Variants in CDH11 observed in about 807,000 individuals in gnomAD.
The protein encoded by CDH11 is cadherin-11.
Under a neutral mutation model 67.8 loss-of-function variants are expected in CDH11, and 11 were observed. That is an observed-to-expected ratio of 0.16 (90% CI 0.10 to 0.27). The LOEUF (loss-of-function observed/expected upper bound fraction) is 0.27, where lower values mean the gene tolerates loss of function less well. Among genes scored for constraint, CDH11 ranks in the 10% least tolerant of loss-of-function variants. CDH11 has a pLI of 1.00. For missense variants in CDH11, 847 were observed against 1,031.2 expected, an observed-to-expected ratio of 0.82 and a Z score of 2.45; for synonymous variants, 419 against 400.0, an observed-to-expected ratio of 1.05 and a Z score of -0.57.
intron 1 of CDH11, among the ~76,000 whole-genome samples, chr16:65,096,407 G>C: frequency 4.3e-5 from 1 of 23,442 alleles, no homozygotes; most frequent in South Asian, 4.5e-3. Flanking sequence ...ATCTTTCGGG[G>C]TGTGTGTGTG....
intron 1 of CDH11, among the ~76,000 whole-genome samples, chr16:65,078,755 C>T (rs997262267): frequency 1.2e-4 from 19 of 152,088 alleles, no homozygotes; most frequent in Non-Finnish European, 2.4e-4. Flanking sequence ...CTCCTGGAAT[C>T]GGGAACCTAG....
chr16:65,051,227 G>A (rs1307150019), intron 2 of CDH11, among the ~76,000 whole-genome samples: 1 of 152,128 alleles, frequency 6.6e-6, no homozygotes, highest in African/African-American at 2.4e-5. Flanking sequence ...AGAAAGAGGT[G>A]GGGACTCCTC....
intron 11 of CDH11, among the ~76,000 whole-genome samples, chr16:64,961,575 AATT>A (rs973186089): frequency 2.6e-5 from 4 of 152,060 alleles, no homozygotes; most frequent in African/African-American, 4.8e-5. Flanking sequence ...CTGTTTTATA[AATT>A]ATTATTAGGA....
intron 2 of CDH11, among the ~76,000 whole-genome samples, chr16:65,040,294 T>TTG (rs1441691277): frequency 1.3e-5 from 2 of 152,190 alleles, no homozygotes; most frequent in East Asian, 3.9e-4. Flanking sequence ...AGCAAAGACT[T>TTG]GGAACCAACC....
At chr16:65,011,618 A>T (rs923848564) in intron 2 of CDH11, among the ~76,000 whole-genome samples, 3 of 152,070 alleles carry the variant, frequency 2.0e-5, no homozygotes, top group Non-Finnish European at 4.4e-5. Flanking sequence ...TATTATTTGT[A>T]CTCTATTCTG....
chr16:65,097,365 G>C (rs1296275344), intron 1 of CDH11, among the ~76,000 whole-genome samples: 2 of 152,156 alleles, frequency 1.3e-5, no homozygotes, highest in Non-Finnish European at 2.9e-5. Context: ...CTCTATAAAT[G>C]GTAATTGTCA....
chr16:64,950,887 C>T lies in CDH11; in HGVS notation c.1774G>A (p.Val592Ile). The T allele has an allele frequency of 6.2e-7, 1 of 1,614,230 alleles. No homozygotes were observed. Among genetic ancestry groups the T allele is most frequent in the Non-Finnish European group, 8.5e-7 (1 of 1,180,042 alleles). Reference sequence around the variant, plus strand: ...GCCCCGTTCACGTCGCACCCGCAGACTTTGATGGTGAGGGTGTTGGTGCTA... The same window carrying T: ...GCCCCGTTCACGTCGCACCCGCAGATTTTGATGGTGAGGGTGTTGGTGCTA... The part of the protein sequence containing the change: ...MSSTNTLTIK[V>I]CGCDVNGALL... Residue 592 changes from valine (V) to isoleucine (I), a missense_variant, in exon 12 of 13, where the codon GTC becomes ATC. By Grantham distance (29) the Val-to-Ile change is conservative (BLOSUM62 3). Transcript: ENST00000268603.
At chr16:64,995,015 C>G (rs2072728829) in intron 4 of CDH11, among the ~76,000 whole-genome samples, 2 of 152,124 alleles carry the variant, frequency 1.3e-5, no homozygotes, top group Admixed American at 1.3e-4. Flanking sequence ...GGTAAATGAT[C>G]TGTACAAGGA....
chr16:65,053,647 C>T (rs772778972), intron 2 of CDH11, among the ~76,000 whole-genome samples, 157 bp downstream of exon 2: 25 of 152,110 alleles, frequency 1.6e-4, no homozygotes, highest in African/African-American at 3.1e-4. Flanking sequence ...TCCTCACTAC[C>T]GAAAAACGTA....
chr16:65,120,231 C>T (rs1290198426), intron 1 of CDH11, among the ~76,000 whole-genome samples: 2 of 152,148 alleles, frequency 1.3e-5, no homozygotes, highest in African/African-American at 4.8e-5. Context: ...ACATATTAGG[C>T]TCTAGCGCTC....
At chr16:65,106,401 A>G (rs1520237) in intron 1 of CDH11, among the ~76,000 whole-genome samples, 37,858 of 152,042 alleles carry the variant, frequency 0.25, 5,309 homozygotes, top group African/African-American at 0.38. Context: ...TTTGAACAAA[A>G]CTTTGCCATC....
chr16:64,980,123 T>C (rs2072292467), intron 8 of CDH11, among the ~76,000 whole-genome samples: 1 of 151,990 alleles, frequency 6.6e-6, no homozygotes, highest in South Asian at 2.1e-4. Flanking sequence ...GGGGGATCAA[T>C]AAAAATATTC....
At chr16:65,118,923 G>T (rs571038484) in intron 1 of CDH11, 1 of 152,272 alleles carries the variant, frequency 6.6e-6, no homozygotes, top group South Asian at 2.1e-4. Flanking sequence ...ACTAAAATCA[G>T]ATTTGAAGAT....
chr16:64,976,296 C>T (rs1263393031), intron 8 of CDH11, among the ~76,000 whole-genome samples: 1 of 151,888 alleles, frequency 6.6e-6, no homozygotes, highest in African/African-American at 2.4e-5. Flanking sequence ...ACATCAGGTA[C>T]AGTGTTATCT....
chr16:64,945,693 A>C lies in CDH11; in HGVS notation c.*1910T>G. The C allele has an allele frequency of 9.6e-7, 1 of 1,040,390 alleles. No individual in the cohort carries two copies. The highest frequency in any genetic ancestry group is 5.9e-5 in the East Asian group (1 of 17,064). The allele number at this position is 1,040,390 out of a possible 1,614,324, so 64.4% of individuals were successfully genotyped here. The stretch of plus-strand genomic sequence containing the variant: ...TTGTCCACAAAATGTATTCCATTGA[A>C]GTGTTCAGCCCAATTTGATTTCAAT... On this transcript the variant is annotated 3_prime_UTR_variant, in exon 13 of 13. Coordinates refer to ENST00000268603, the MANE Select transcript of CDH11 (RefSeq NM_001797.4).
chr16:65,026,371 A>G (rs896387608), intron 2 of CDH11, among the ~76,000 whole-genome samples: 6 of 152,152 alleles, frequency 3.9e-5, no homozygotes, highest in African/African-American at 1.4e-4. Flanking sequence ...AATGCCCAAA[A>G]TGGAATTTGA....
chr16:65,099,628 A>G (rs2074956373), intron 1 of CDH11, among the ~76,000 whole-genome samples: 1 of 152,190 alleles, frequency 6.6e-6, no homozygotes. Flanking sequence ...CTCAGCATCA[A>G]TAAAATATGA....
At chr16:64,991,130 C>T (rs2072619156) in intron 6 of CDH11, among the ~76,000 whole-genome samples, 4 of 152,174 alleles carry the variant, frequency 2.6e-5, no homozygotes, top group Admixed American at 2.0e-4. Context: ...AAGACAATTT[C>T]TGCCTGGTGC....
At position 64,950,992 on chromosome 16, in the gene CDH11, G is replaced by T. The variant is rs1442976496; in HGVS notation, c.1669C>A (p.Arg557Ser). Residue 557 changes from arginine to serine, a missense_variant, in exon 12 of 13, where the codon CGT becomes AGT. By Grantham distance (110) the Arg-to-Ser change is moderately radical. This residue lies in a region of CDH11 where 612 missense variants were observed against 678.7 expected (regional missense o/e 0.90). Transcript: ENST00000268603. ...RDNTAGVYAR[R>S]GGFSRQKQDL... ...TGCTTCTGCCGACTGAACCCTCCAC[G>T]CCGGGCGTACACGCCTGCTGTGTTA... The T allele has an allele frequency of 1.2e-6, 2 of 1,613,812 alleles. No homozygotes were observed. Among genetic ancestry groups the T allele is most frequent in the South Asian group, 1.1e-5 (1 of 91,076 alleles).
Sources: allele counts gnomAD v4.1 joint callset (sites outside exome capture counted in the v4.1 genomes callset), GRCh38; gene constraint gnomAD v4.1.1; regional missense constraint gnomAD v4.1.1; transcripts MANE v1.5; gene names NCBI Gene and HGNC (gene_info 2026-07-23, HGNC 2026-07-21).